The following SEMA4F variants were observed in gnomAD, a reference collection of about 807,000 sequenced individuals.
The protein encoded by SEMA4F is semaphorin-4F.
A neutral mutation model predicts 78.4 loss-of-function variants in SEMA4F; 51 were observed. The observed-to-expected ratio is 0.65, with a 90% CI of 0.52 to 0.82. The LOEUF (loss-of-function observed/expected upper bound fraction) is 0.82, where lower values mean the gene tolerates loss of function less well. SEMA4F is among the 40% of genes least tolerant of loss of function. The pLI is 0.00. For synonymous variants in SEMA4F, 418 were observed against 408.7 expected (o/e 1.02, Z -0.27); for missense variants, 938 against 1,014.4 (o/e 0.92, Z 1.02).
the SEMA4F span, among the ~76,000 whole-genome samples, chr2:74,693,711 T>A: frequency 5.3e-5 from 8 of 152,226 alleles, no homozygotes; most frequent in Non-Finnish European, 1.0e-4. Context: ...AAAGGTAGCA[T>A]GCTTTATAAC....
At chr2:74,705,254 G>A in the SEMA4F span, among the ~76,000 whole-genome samples, 2 of 152,186 alleles carry the variant, frequency 1.3e-5, no homozygotes, top group Admixed American at 1.3e-4. Flanking sequence ...TATTTCAAAA[G>A]TGTTAACATT....
At chr2:74,704,519 A>C in the SEMA4F span, among the ~76,000 whole-genome samples, 1 of 151,888 alleles carries the variant, frequency 6.6e-6, no homozygotes, top group Middle Eastern at 3.4e-3. Context: ...TCATGAGGTT[A>C]TTGTAAGGAT....
chr2:74,698,231 T>A, the SEMA4F span, among the ~76,000 whole-genome samples: 1 of 152,216 alleles, frequency 6.6e-6, no homozygotes, highest in African/African-American at 2.4e-5. Flanking sequence ...TAGACAAAGC[T>A]GGAAAATCCA....
the SEMA4F span, among the ~76,000 whole-genome samples, chr2:74,709,142 A>G: frequency 3.6e-3 from 546 of 152,308 alleles, 4 homozygotes; most frequent in African/African-American, 0.012. Flanking sequence ...AAGCTAATGA[A>G]CCTCAAACAG....
At position 74,680,207 on chromosome 2, in the gene SEMA4F, T is replaced by C. The variant is rs1333315666; in HGVS notation, c.2311T>C (p.Ter771GlnextTer7). The stretch of plus-strand genomic sequence containing the variant: ...AGCCACATGTGATGAAACATCCATC[T>C]AGAGCTGGGCAAATGACCACTAGTG... ...PLATCDETSI[*>Q] Residue 771 changes from the stop codon to glutamine, a stop_lost, in exon 14 of 14, where the codon TAG becomes CAG. Coordinates refer to ENST00000357877, the MANE Select transcript of SEMA4F (RefSeq NM_004263.5). 1.9e-6 allele frequency: 3 copies of C among 1,561,920 alleles called. No individual in the cohort carries two copies. The East Asian group carries it at 6.8e-5, about 35-fold the overall frequency.
At chr2:74,676,775 T>A (rs964985187) in intron 12 of SEMA4F, among the ~76,000 whole-genome samples, 3 of 152,216 alleles carry the variant, frequency 2.0e-5, no homozygotes, top group Non-Finnish European at 4.4e-5. Context: ...CATTTTGGGC[T>A]CCTACCATCC....
chr2:74,661,967 G>A (rs1684450146), intron 4 of SEMA4F, among the ~76,000 whole-genome samples: 3 of 152,144 alleles, frequency 2.0e-5, no homozygotes. Flanking sequence ...CTTGTTTTTA[G>A]ATGTTATCTT....
chr2:74,657,643 C>T lies in SEMA4F; in HGVS notation c.357+19C>T, dbSNP rs78061791. 665 of 1,613,232 alleles carry T rather than the reference C, an allele frequency of 4.1e-4. 2 individuals carry two copies. In the African/African-American group the frequency reaches 8.1e-3, roughly 20 times the overall value. The stretch of plus-strand genomic sequence containing the variant: ...GAAAGAGGTAGGTGTAAATCTGAGC[C>T]CTGTCTTGAGTGTCAGTTGAGACCT... On this transcript the variant is annotated intron_variant, in intron 3 of 13. Coordinates refer to ENST00000357877, the MANE Select transcript of SEMA4F (RefSeq NM_004263.5).
chr2:74,687,542 T>A (rs911355828), downstream of SEMA4F, among the ~76,000 whole-genome samples: 1 of 152,234 alleles, frequency 6.6e-6, no homozygotes, highest in Admixed American at 6.5e-5. Context: ...TAGTAGATGC[T>A]CAATATTTAT....
the SEMA4F span, among the ~76,000 whole-genome samples, chr2:74,693,575 T>C: frequency 6.6e-6 from 1 of 152,218 alleles, no homozygotes; most frequent in Non-Finnish European, 1.5e-5. Flanking sequence ...AAGATGATGG[T>C]ATAGTTTTTC....
At chr2:74,685,488 C>G (rs773709736), downstream of SEMA4F, among the ~76,000 whole-genome samples, 6 of 152,030 alleles carry the variant, frequency 3.9e-5, no homozygotes, top group Non-Finnish European at 8.8e-5. Context: ...CTTCTCTCAG[C>G]TCTGTAGGGT....
At position 74,658,087 on chromosome 2, in the gene SEMA4F, A is replaced by G. The variant is rs944175580; in HGVS notation, c.456+136A>G. ...ATGGTCAAGGCAACCATTGTGCATG[A>G]TAAGCATTGGGTGTAGGGGCTGTCC... On this transcript the variant is annotated intron_variant, in intron 4 of 13. Transcript: ENST00000357877. This position sits in a 1 kb window ranked among gnomAD's most constrained non-coding sequence, Gnocchi z 4.3. 1.3e-6 allele frequency: 1 copy of G among 758,932 alleles called. No individual in the cohort carries two copies. Among genetic ancestry groups the G allele is most frequent in the Non-Finnish European group, 2.3e-6 (1 of 439,314 alleles). The allele number at this position is 758,932 out of a possible 1,614,324, so 47.0% of individuals were successfully genotyped here.
chr2:74,656,417 TG>T, intron 1 of SEMA4F, 116 bp from the exon 2 acceptor site: 1 of 948,916 alleles, frequency 1.1e-6, no homozygotes. Context: ...TTCTCCCCCA[TG>T]GCTGCTTAAT....
At position 74,679,192 on chromosome 2, in the gene SEMA4F, T is replaced by C. The variant is rs1043439067; in HGVS notation, c.1644-84T>C. On this transcript the variant is annotated intron_variant, in intron 12 of 13. Coordinates refer to ENST00000357877, the MANE Select transcript of SEMA4F (RefSeq NM_004263.5). Reference sequence around the variant, plus strand: ...GATTTCTGGGATGATGGGAGATATATTGAATGAGGGAGTCTTCAGTAATAC... The same window carrying C: ...GATTTCTGGGATGATGGGAGATATACTGAATGAGGGAGTCTTCAGTAATAC... The C allele has an allele frequency of 2.0e-5, 21 of 1,030,094 alleles. No homozygotes were observed. In the Admixed American group the frequency reaches 2.9e-4, roughly 14 times the overall value. 63.8% of individuals were successfully genotyped at this position (1,030,094 alleles called of 1,614,324 possible). A position where few individuals can be genotyped will look rare whatever the true frequency, so the allele number is the denominator to read the frequency against.
intron 5 of SEMA4F, among the ~76,000 whole-genome samples, chr2:74,663,793 T>C (rs913427154): frequency 2.6e-5 from 4 of 152,154 alleles, no homozygotes; most frequent in African/African-American, 7.2e-5. Flanking sequence ...ACCTCCAACA[T>C]TGGAGGTCAC....
downstream of SEMA4F, among the ~76,000 whole-genome samples, chr2:74,687,728 G>T (rs994593365): frequency 1.3e-5 from 2 of 152,148 alleles, no homozygotes; most frequent in African/African-American, 4.8e-5. Flanking sequence ...TCTGCTCATA[G>T]ACTCATGGTT....
At chr2:74,703,719 C>T in the SEMA4F span, among the ~76,000 whole-genome samples, 1 of 152,230 alleles carries the variant, frequency 6.6e-6, no homozygotes, top group Admixed American at 6.5e-5. Context: ...GCTTTGAACT[C>T]AGTAGGAACC....
the SEMA4F span, among the ~76,000 whole-genome samples, chr2:74,702,568 C>A: frequency 6.6e-6 from 1 of 152,104 alleles, no homozygotes; most frequent in Non-Finnish European, 1.5e-5. Context: ...CTGAGGACTG[C>A]AAGGGAGGGA....
chr2:74,655,576 C>T (rs771838480), intron 1 of SEMA4F, among the ~76,000 whole-genome samples: 1 of 152,238 alleles, frequency 6.6e-6, no homozygotes, highest in South Asian at 2.1e-4. Context: ...TTCCAGAAGG[C>T]GAAGTTGTGG....
Sources: allele counts gnomAD v4.1 joint callset (sites outside exome capture counted in the v4.1 genomes callset), GRCh38; gene constraint gnomAD v4.1.1; non-coding constraint Gnocchi (gnomAD v3.1); transcripts MANE v1.5; gene names NCBI Gene and HGNC (gene_info 2026-07-23, HGNC 2026-07-21).